Variants in ARHGAP24 observed in about 807,000 individuals in gnomAD.
ARHGAP24 encodes rho GTPase-activating protein 24.
Under a neutral mutation model 76.4 loss-of-function variants are expected in ARHGAP24, and 50 were observed. The observed-to-expected ratio is 0.65, with a 90% CI of 0.52 to 0.83. ARHGAP24 has a LOEUF of 0.83. Among genes scored for constraint, ARHGAP24 ranks in the 40% least tolerant of loss-of-function variants. ARHGAP24 has a pLI of 0.00. For synonymous variants in ARHGAP24, 345 were observed against 323.3 expected (o/e 1.07, Z -0.72); for missense variants, 930 against 914.2 (o/e 1.02, Z -0.22).
intron 2 of ARHGAP24, among the ~76,000 whole-genome samples, chr4:85,660,817 A>AAAAAAAAAAC (rs1560573731): frequency 2.0e-5 from 3 of 149,842 alleles, no homozygotes; most frequent in African/African-American, 5.0e-5. Context: ...AAAAAAAAAA[A>AAAAAAAAAAC]TCTGTAGATG....
intron 2 of ARHGAP24, among the ~76,000 whole-genome samples, chr4:85,645,100 A>T (rs1435247119): frequency 6.6e-6 from 1 of 152,144 alleles, no homozygotes; most frequent in African/African-American, 2.4e-5. Flanking sequence ...ATCAGTGGAC[A>T]TCTGTTCATT....
chr4:85,866,555 G>C (rs191348454), intron 3 of ARHGAP24, among the ~76,000 whole-genome samples: 1 of 152,030 alleles, frequency 6.6e-6, no homozygotes, highest in Non-Finnish European at 1.5e-5. Context: ...ATTTTCAAGA[G>C]AATAAAAGAT....
At chr4:85,776,963 G>A (rs1311505681) in intron 3 of ARHGAP24, among the ~76,000 whole-genome samples, 1 of 152,158 alleles carries the variant, frequency 6.6e-6, no homozygotes, top group Non-Finnish European at 1.5e-5. Flanking sequence ...GTATCAATGT[G>A]TCCAACTCTT....
At chr4:85,723,724 A>G (rs1283185103) in intron 3 of ARHGAP24, 1 of 152,200 alleles carries the variant, frequency 6.6e-6, no homozygotes, top group Non-Finnish European at 1.5e-5. Flanking sequence ...AGTGTTCCAA[A>G]TGTATCTTTG....
chr4:85,557,835 T>C (rs1339128001), intron 1 of ARHGAP24, among the ~76,000 whole-genome samples: 3 of 152,374 alleles, frequency 2.0e-5, no homozygotes, highest in East Asian at 1.9e-4. Flanking sequence ...TTCTTAGTGA[T>C]GTCTTTTGAT....
intron 3 of ARHGAP24, among the ~76,000 whole-genome samples, chr4:85,808,722 T>C (rs1463257248): frequency 1.3e-5 from 2 of 152,324 alleles, no homozygotes; most frequent in South Asian, 4.1e-4. Context: ...AGTCCTGTTT[T>C]GAGCTTTTTG....
intron 2 of ARHGAP24, among the ~76,000 whole-genome samples, chr4:85,625,479 G>T (rs138601792): frequency 1.0e-3 from 1 of 968 alleles, no homozygotes; most frequent in African/African-American, 6.8e-3. Context: ...GCTGAGGAGA[G>T]TTTTACTTCC....
At chr4:85,686,869 G>T (rs751357634) in intron 2 of ARHGAP24, among the ~76,000 whole-genome samples, 9 of 150,352 alleles carry the variant, frequency 6.0e-5, no homozygotes, top group Admixed American at 2.7e-4. Context: ...TTGTAAATTT[G>T]GCCAATAGCT....
At position 85,650,150 on chromosome 4, in the gene ARHGAP24, A is replaced by G. The variant is rs116646883; in HGVS notation, c.181-71735A>G. 8.9e-3 allele frequency among the ~76,000 whole-genome samples: 1,227 copies of G among 137,988 alleles called. 174 individuals are homozygous for G. The highest frequency in any genetic ancestry group is 0.042 in the African/African-American group (1,178 of 28,220). The allele number at this position is 137,988 out of a possible 152,430, so 90.5% of individuals were successfully genotyped here. On this transcript the variant is annotated intron_variant, in intron 2 of 9. Transcript: ENST00000395184. Reference sequence around the variant, plus strand: ...ATAAATGCTATCCAGCATTGATTTGAGAATTATCTAGCATGTGTTCCTTTC... The same window carrying G: ...ATAAATGCTATCCAGCATTGATTTGGGAATTATCTAGCATGTGTTCCTTTC...
intron 2 of ARHGAP24, among the ~76,000 whole-genome samples, chr4:85,648,978 T>C (rs1175269477): frequency 6.6e-6 from 1 of 151,568 alleles, no homozygotes; most frequent in African/African-American, 2.4e-5. Context: ...CATATGTGCA[T>C]TCAGAACTTT....
chr4:85,790,469 T>C (rs756860565), intron 3 of ARHGAP24, among the ~76,000 whole-genome samples: 1 of 152,220 alleles, frequency 6.6e-6, no homozygotes, highest in Admixed American at 6.5e-5. Context: ...TTATTTTTAT[T>C]GAAATTTACA....
At chr4:85,688,121 T>C (rs28843174) in intron 2 of ARHGAP24, among the ~76,000 whole-genome samples, 4,607 of 152,270 alleles carry the variant, frequency 0.03, 235 homozygotes, top group African/African-American at 0.1. Flanking sequence ...CCGGTGGTTC[T>C]ATTTTAAGTT....
intron 3 of ARHGAP24, among the ~76,000 whole-genome samples, chr4:85,859,088 A>G (rs1332241295): frequency 1.3e-5 from 2 of 152,096 alleles, no homozygotes; most frequent in Non-Finnish European, 2.9e-5. Flanking sequence ...TGTTGATAGT[A>G]TTAAAACATG....
chr4:85,605,464 A>G (rs1014880593), intron 2 of ARHGAP24, among the ~76,000 whole-genome samples: 1 of 152,218 alleles, frequency 6.6e-6, no homozygotes, highest in Admixed American at 6.5e-5. Context: ...TGATGTTAAC[A>G]TGGTTTTGTT....
chr4:85,654,818 T>C (rs575258745), intron 2 of ARHGAP24, among the ~76,000 whole-genome samples: 21 of 152,306 alleles, frequency 1.4e-4, no homozygotes, highest in African/African-American at 4.8e-4. Flanking sequence ...TCATATTATA[T>C]AACATGATAT....
chr4:85,655,820 G>GAGAGAGAGAGAGAGAA (rs1722142645), intron 2 of ARHGAP24, among the ~76,000 whole-genome samples: 2 of 104,382 alleles, frequency 1.9e-5, no homozygotes, highest in African/African-American at 8.6e-5. Flanking sequence ...GAGAGAGAAA[G>GAGAGAGAGAGAGAGAA]AGAGAGAGAG....
At chr4:85,536,533 C>G (rs1161296235) in intron 1 of ARHGAP24, among the ~76,000 whole-genome samples, 1 of 152,108 alleles carries the variant, frequency 6.6e-6, no homozygotes, top group Admixed American at 6.5e-5. Context: ...CATTCAAACT[C>G]TAATTAATAC....
At chr4:85,562,069 G>A (rs1472041526) in intron 1 of ARHGAP24, among the ~76,000 whole-genome samples, 1 of 152,200 alleles carries the variant, frequency 6.6e-6, no homozygotes, top group Non-Finnish European at 1.5e-5. Flanking sequence ...TCAAGGAAAG[G>A]TAGGCAGGGA....
intron 2 of ARHGAP24, among the ~76,000 whole-genome samples, chr4:85,680,968 G>A (rs1723181995): frequency 2.0e-5 from 3 of 151,858 alleles, no homozygotes; most frequent in Non-Finnish European, 4.4e-5. Flanking sequence ...TTTATAGAGA[G>A]AATTCTTAGA....
Sources: gnomAD v4.1 joint callset for allele counts (sites outside exome capture counted in the v4.1 genomes callset) on GRCh38, gnomAD v4.1.1 for gene constraint, MANE v1.5 for transcripts, NCBI Gene and HGNC (gene_info 2026-07-23, HGNC 2026-07-21) for gene names.